The following AMD1 variants were observed in gnomAD, a reference collection of about 807,000 sequenced individuals.
AMD1 encodes the protein adenosylmethionine decarboxylase 1, also known as S-adenosylmethionine decarboxylase proenzyme.
Under a neutral mutation model 40.2 loss-of-function variants are expected in AMD1, and 11 were observed. That is an observed-to-expected ratio of 0.27 (90% CI 0.17 to 0.45). AMD1 has a LOEUF of 0.45. Ranked by LOEUF, AMD1 falls within the 20% of genes least tolerant of loss-of-function variation. The pLI, the probability that AMD1 is intolerant of heterozygous loss-of-function variation, is 1.00. For synonymous variants in AMD1, 121 were observed against 130.8 expected (o/e 0.93, Z 0.51); for missense variants, 257 against 410.2 (o/e 0.63, Z 3.23).
chr6:110,870,454 C>T (rs183600170), upstream of AMD1, among the ~76,000 whole-genome samples: 344 of 152,076 alleles, frequency 2.3e-3, 1 homozygote, highest in African/African-American at 8.1e-3. Context: ...GAAATCTGGT[C>T]GCTACTAAAA....
At chr6:110,851,679 C>A in the AMD1 span, among the ~76,000 whole-genome samples, 3 of 152,100 alleles carry the variant, frequency 2.0e-5, no homozygotes, top group Non-Finnish European at 4.4e-5. Context: ...TCAGGCTGGT[C>A]TCAAACTCCT....
chr6:110,835,537 C>T, the AMD1 span, among the ~76,000 whole-genome samples: 1 of 152,104 alleles, frequency 6.6e-6, no homozygotes, highest in African/African-American at 2.4e-5. Flanking sequence ...TTCACTGAGT[C>T]ATGCAGATCT....
chr6:110,815,241 T>TCGCG, the AMD1 span: 27,268 of 1,129,298 alleles, frequency 0.024, 411 homozygotes, highest in Middle Eastern at 0.034. Flanking sequence ...CAGCCGCCTC[T>TCGCG]CGCGCGCGCG....
the AMD1 span, among the ~76,000 whole-genome samples, chr6:110,850,792 A>G: frequency 6.6e-6 from 1 of 152,168 alleles, no homozygotes; most frequent in Admixed American, 6.6e-5. Context: ...TTGCTTGATT[A>G]GTTCACTGAA....
chr6:110,847,249 G>T, the AMD1 span, among the ~76,000 whole-genome samples: 9 of 152,100 alleles, frequency 5.9e-5, no homozygotes, highest in Non-Finnish European at 8.8e-5. Flanking sequence ...CTAAAGACCG[G>T]GCACAGTGGC....
chr6:110,829,684 T>C, the AMD1 span, among the ~76,000 whole-genome samples: 4 of 146,662 alleles, frequency 2.7e-5, no homozygotes, highest in East Asian at 8.2e-4. Flanking sequence ...ATAATAATAA[T>C]AATAATTAAA....
the AMD1 span, among the ~76,000 whole-genome samples, chr6:110,817,752 T>G: frequency 1.6e-4 from 24 of 152,178 alleles, no homozygotes; most frequent in Non-Finnish European, 2.2e-4. Context: ...GCAAGCAAAT[T>G]AAAAATAAAC....
chr6:110,893,448 C>CT (rs1786146509), intron 8 of AMD1, 28 bp from the exon 9 acceptor site: 2 of 1,611,860 alleles, frequency 1.2e-6, no homozygotes, highest in East Asian at 4.5e-5. Flanking sequence ...ATTGCAAACA[C>CT]TAACGGTTAT....
At chr6:110,885,798 G>A (rs1302768726) in intron 1 of AMD1, among the ~76,000 whole-genome samples, 1 of 152,190 alleles carries the variant, frequency 6.6e-6, no homozygotes, top group East Asian at 1.9e-4. Flanking sequence ...ATTTTTGGAT[G>A]GGTATTGGTA....
chr6:110,825,992 C>A, the AMD1 span, among the ~76,000 whole-genome samples: 19 of 151,464 alleles, frequency 1.3e-4, no homozygotes, highest in Non-Finnish European at 2.8e-4. Context: ...CAGAGTAAGA[C>A]CCCGTCTCTA....
intron 3 of AMD1, chr6:110,889,977 A>T (rs1301463471): frequency 6.8e-6 from 2 of 296,204 alleles, no homozygotes; most frequent in African/African-American, 4.5e-5. Flanking sequence ...AATAGTTGTT[A>T]TGACCCATCA....
the AMD1 span, among the ~76,000 whole-genome samples, chr6:110,839,622 A>AAAAT: frequency 1.3e-5 from 2 of 152,186 alleles, no homozygotes; most frequent in Non-Finnish European, 1.5e-5. Context: ...CTCAATCTAA[A>AAAAT]AAATAAATAA....
the AMD1 span, among the ~76,000 whole-genome samples, chr6:110,816,663 T>C: frequency 2.0e-5 from 3 of 151,262 alleles, no homozygotes; most frequent in South Asian, 6.3e-4. Flanking sequence ...CTGAGATACT[T>C]TTATCTGCAT....
At chr6:110,853,029 A>G in the AMD1 span, among the ~76,000 whole-genome samples, 2 of 142,366 alleles carry the variant, frequency 1.4e-5, no homozygotes, top group African/African-American at 5.2e-5. Flanking sequence ...CTTTATTGCA[A>G]TATTCATTTT....
At chr6:110,819,058 G>A in the AMD1 span, among the ~76,000 whole-genome samples, 16 of 152,170 alleles carry the variant, frequency 1.1e-4, no homozygotes, top group African/African-American at 3.9e-4. Context: ...GCAATAGGAC[G>A]GTAAAAACAA....
chr6:110,860,870 C>CAGAGAGAG, the AMD1 span, among the ~76,000 whole-genome samples: 27 of 142,680 alleles, frequency 1.9e-4, 1 homozygote, highest in East Asian at 3.6e-3. Context: ...CACACACACA[C>CAGAGAGAG]AGAGAGAGAG....
chr6:110,860,606 C>A, the AMD1 span, among the ~76,000 whole-genome samples: 1 of 151,016 alleles, frequency 6.6e-6, no homozygotes, highest in African/African-American at 2.4e-5. Context: ...CGCGACCAAC[C>A]TGCCCAACAT....
chr6:110,860,043 T>C, the AMD1 span, among the ~76,000 whole-genome samples: 17 of 152,180 alleles, frequency 1.1e-4, no homozygotes, highest in East Asian at 2.7e-3. Flanking sequence ...GCCAGGCTGG[T>C]CTCAAACTCC....
the AMD1 span, chr6:110,859,085 C>G: frequency 1.6e-6 from 2 of 1,280,162 alleles, no homozygotes; most frequent in African/African-American, 1.4e-5. Context: ...CTCCCTCGGG[C>G]GCGCAGGCTC....
Sources: gnomAD v4.1 joint callset for allele counts (sites outside exome capture counted in the v4.1 genomes callset) on GRCh38, gnomAD v4.1.1 for gene constraint, MANE v1.5 for transcripts, NCBI Gene and HGNC (gene_info 2026-07-23, HGNC 2026-07-21) for gene names.